The following LCMT1 variants were observed in gnomAD, a reference collection of about 807,000 sequenced individuals.
LCMT1 encodes leucine carboxyl methyltransferase 1.
In LCMT1, 32 loss-of-function variants were observed where a neutral mutation model predicts 47.7. The ratio of observed to expected loss-of-function variants is 0.67; its 90% confidence interval spans 0.51 to 0.90. The LOEUF (loss-of-function observed/expected upper bound fraction) is 0.90. Among genes scored for constraint, LCMT1 ranks in the 40% least tolerant of loss-of-function variants. The pLI, the probability that LCMT1 is intolerant of heterozygous loss-of-function variation, is 0.00. For missense variants in LCMT1, 375 were observed against 415.2 expected, an observed-to-expected ratio of 0.90 and a Z score of 0.84; for synonymous variants, 152 against 149.7, an observed-to-expected ratio of 1.02 and a Z score of -0.11.
chr16:25,135,952 A>C (rs1461820844), intron 3 of LCMT1, among the ~76,000 whole-genome samples: 1 of 152,036 alleles, frequency 6.6e-6, no homozygotes, highest in Admixed American at 6.6e-5. Flanking sequence ...TCAGCCAGGC[A>C]TGGTGGTGCA....
chr16:25,158,070 G>A (rs1441928876), intron 5 of LCMT1, among the ~76,000 whole-genome samples: 1 of 152,224 alleles, frequency 6.6e-6, no homozygotes, highest in African/African-American at 2.4e-5. Context: ...TGCGTGCCCT[G>A]TAGGGCACTT....
intron 6 of LCMT1, among the ~76,000 whole-genome samples, chr16:25,162,196 G>A (rs1286256351): frequency 6.6e-6 from 1 of 152,206 alleles, no homozygotes; most frequent in East Asian, 1.9e-4. Flanking sequence ...TGGGAACCGA[G>A]TCCAGCTGCA....
Position 25,174,965 on chromosome 16 carries a change from A to G in LCMT1, c.913A>G (p.Met305Val). Reference protein sequence around the residue: ...RIESLEFLDEMELLEQLMRHY... With the variant: ...RIESLEFLDEVELLEQLMRHY... ...AGAATCACTTGAATTCCTGGATGAA[A>G]TGGAGCTGCTGGAGCAGCTCATGCG... The change falls in exon 10 of 11, where the codon ATG becomes GTG. Residue 305 changes from methionine to valine, a missense_variant. Transcript: ENST00000399069. The G allele has an allele frequency of 6.2e-7, 1 of 1,606,306 alleles. No individual in the cohort carries two copies. The highest frequency in any genetic ancestry group is 8.5e-7 in the Non-Finnish European group (1 of 1,174,310).
chr16:25,117,464 A>C (rs1047132806), intron 1 of LCMT1, among the ~76,000 whole-genome samples: 4 of 152,164 alleles, frequency 2.6e-5, no homozygotes, highest in Admixed American at 2.6e-4. Context: ...TATTACCTCC[A>C]GTTCACTATT....
At chr16:25,164,289 T>G (rs924004452) in intron 6 of LCMT1, among the ~76,000 whole-genome samples, 3 of 152,126 alleles carry the variant, frequency 2.0e-5, no homozygotes, top group African/African-American at 7.2e-5. Flanking sequence ...GAAGCTGCAT[T>G]GTTATGTTGG....
intron 5 of LCMT1, among the ~76,000 whole-genome samples, chr16:25,156,115 A>T (rs542938271): frequency 3.8e-4 from 58 of 151,948 alleles, no homozygotes; most frequent in African/African-American, 1.3e-3. Context: ...GCTCCTTCTC[A>T]TCTGCTCAGC....
chr16:25,159,563 G>A (rs1438074223), intron 5 of LCMT1, among the ~76,000 whole-genome samples: 1 of 152,172 alleles, frequency 6.6e-6, no homozygotes, highest in South Asian at 2.1e-4. Context: ...ACCGCACCCA[G>A]ATACATGCCA....
chr16:25,151,055 AT>A (rs1037448894), intron 4 of LCMT1, among the ~76,000 whole-genome samples: 1 of 152,132 alleles, frequency 6.6e-6, no homozygotes, highest in African/African-American at 2.4e-5. Context: ...CGCGTGTCTG[AT>A]TTCTGATTTT....
At chr16:25,120,369 A>G (rs1265565387) in intron 1 of LCMT1, among the ~76,000 whole-genome samples, 1 of 150,088 alleles carries the variant, frequency 6.7e-6, no homozygotes, top group Non-Finnish European at 1.5e-5. Context: ...GATTACAGGC[A>G]TGCGCCACCA....
At chr16:25,132,858 C>CTTTTTTTTTTTTTTT (rs34311865) in intron 3 of LCMT1, among the ~76,000 whole-genome samples, 8 of 140,596 alleles carry the variant, frequency 5.7e-5, no homozygotes, top group African/African-American at 2.2e-4. Context: ...GCATTTGTAA[C>CTTTTTTTTTTTTTTT]TTTTTTTTTT....
chr16:25,162,604 GA>G (rs1567325966), intron 6 of LCMT1, among the ~76,000 whole-genome samples: 4 of 143,548 alleles, frequency 2.8e-5, no homozygotes, highest in African/African-American at 1.1e-4. Flanking sequence ...AAAAAAAAAA[GA>G]AAAGAAAAGA....
intron 3 of LCMT1, 113 bp downstream of exon 3, chr16:25,132,636 C>T (rs777525311): frequency 8.5e-7 from 1 of 1,176,482 alleles, no homozygotes; most frequent in Non-Finnish European, 1.2e-6. Context: ...AAGCCTGTCT[C>T]CCACCCCTGT....
At chr16:25,166,592 A>T (rs1961598666) in intron 7 of LCMT1, among the ~76,000 whole-genome samples, 1 of 152,136 alleles carries the variant, frequency 6.6e-6, no homozygotes. Context: ...TTGTAGGGAC[A>T]GGGTTTCGCC....
chr16:25,142,661 A>G (rs1960729247), intron 4 of LCMT1: 1 of 152,226 alleles, frequency 6.6e-6, no homozygotes, highest in Non-Finnish European at 1.5e-5. Flanking sequence ...GGAACAAAGT[A>G]AAGAGTAGCA....
intron 4 of LCMT1, chr16:25,142,576 C>T (rs190743988): frequency 8.5e-5 from 13 of 152,192 alleles, no homozygotes; most frequent in South Asian, 2.1e-4. Context: ...GCTATAATGC[C>T]GGAAAGGTTG....
chr16:25,145,199 C>A (rs1161998707), intron 4 of LCMT1: 1 of 152,180 alleles, frequency 6.6e-6, no homozygotes, highest in Non-Finnish European at 1.5e-5. Context: ...GATATCGGAA[C>A]TTCTGTAAAG....
At position 25,128,579 on chromosome 16, in the gene LCMT1, C is replaced by T. The variant is rs1232438116; in HGVS notation, c.205+13C>T. ...GAAATCAACAGAGGCAAGTGACCATCTCCCTCCCCAACAGCACCTCATCAG... is the reference window on the plus strand; with the variant it reads ...GAAATCAACAGAGGCAAGTGACCATTTCCCTCCCCAACAGCACCTCATCAG... On this transcript the variant is annotated intron_variant, in intron 2 of 10. Transcript: ENST00000399069. 3.8e-6 allele frequency: 6 copies of T among 1,575,134 alleles called. No individual in the cohort carries two copies. Among genetic ancestry groups the T allele is most frequent in the Non-Finnish European group, 5.2e-6 (6 of 1,155,552 alleles).
chr16:25,173,712 T>G (rs904804738), intron 9 of LCMT1, among the ~76,000 whole-genome samples: 1 of 141,926 alleles, frequency 7.0e-6, no homozygotes, highest in Non-Finnish European at 1.6e-5. Context: ...AAACTTTTTT[T>G]TTGTTTTTTT....
At chr16:25,155,387 T>TAA (rs927576551) in intron 5 of LCMT1, among the ~76,000 whole-genome samples, 2 of 147,440 alleles carry the variant, frequency 1.4e-5, no homozygotes, top group Non-Finnish European at 3.0e-5. Context: ...CACAAAAACA[T>TAA]AAAAAAAAAA....
Sources: allele counts gnomAD v4.1 joint callset (sites outside exome capture counted in the v4.1 genomes callset), GRCh38; gene constraint gnomAD v4.1.1; transcripts MANE v1.5; gene names NCBI Gene and HGNC (gene_info 2026-07-23, HGNC 2026-07-21).